Variants in BABAM2 observed in about 807,000 individuals in gnomAD.
BABAM2 encodes the protein BRISC and BRCA1 A complex member 2.
A neutral mutation model predicts 54.7 loss-of-function variants in BABAM2; 31 were observed. The observed-to-expected ratio is 0.57, with a 90% CI of 0.43 to 0.77. The LOEUF is 0.77. BABAM2 is among the 30% of genes least tolerant of loss of function. The pLI, the probability that BABAM2 is intolerant of heterozygous loss-of-function variation, is 0.00. For missense variants in BABAM2, 364 were observed against 455.8 expected, an observed-to-expected ratio of 0.80 and a Z score of 1.83; for synonymous variants, 167 against 162.9, an observed-to-expected ratio of 1.03 and a Z score of -0.19.
chr2:28,332,171 AT>A (rs1377881274), intron 11 of BABAM2, among the ~76,000 whole-genome samples: 4 of 152,208 alleles, frequency 2.6e-5, no homozygotes, highest in Non-Finnish European at 5.9e-5. Flanking sequence ...ATCGGGGGGC[AT>A]CAGGATAAAT....
intron 11 of BABAM2, chr2:28,310,148 G>A: frequency 6.2e-7 from 1 of 1,613,952 alleles, no homozygotes. Flanking sequence ...TCTCCAAATT[G>A]CATAGGTCAG....
At chr2:28,205,517 A>G (rs1678751664) in intron 7 of BABAM2, among the ~76,000 whole-genome samples, 1 of 152,160 alleles carries the variant, frequency 6.6e-6, no homozygotes, top group Admixed American at 6.6e-5. Flanking sequence ...TAAAAATAAA[A>G]TAAAAAATAA....
intron 10 of BABAM2, among the ~76,000 whole-genome samples, chr2:28,293,578 G>A (rs1687459179): frequency 6.6e-6 from 1 of 152,216 alleles, no homozygotes; most frequent in African/African-American, 2.4e-5. Flanking sequence ...TCCAGAGTGA[G>A]GCAACCGGTG....
At chr2:28,063,786 T>A (rs1375083176) in intron 6 of BABAM2, among the ~76,000 whole-genome samples, 1 of 152,236 alleles carries the variant, frequency 6.6e-6, no homozygotes, top group Non-Finnish European at 1.5e-5. Context: ...AACTTTTTTT[T>A]ATGTGAGTAT....
chr2:28,238,134 G>A (rs1394304099), intron 8 of BABAM2, among the ~76,000 whole-genome samples: 3 of 152,166 alleles, frequency 2.0e-5, no homozygotes, highest in Admixed American at 1.3e-4. Flanking sequence ...ACAGGCGTGA[G>A]CCACCGCGCC....
intron 4 of BABAM2, among the ~76,000 whole-genome samples, chr2:28,008,448 G>A (rs919947560): frequency 6.6e-6 from 1 of 152,150 alleles, no homozygotes; most frequent in Non-Finnish European, 1.5e-5. Flanking sequence ...GAAAAAGTAT[G>A]TATGAAACAG....
chr2:28,060,083 C>G (rs929051040), intron 6 of BABAM2, among the ~76,000 whole-genome samples: 14 of 152,090 alleles, frequency 9.2e-5, no homozygotes, highest in African/African-American at 3.1e-4. Flanking sequence ...CTCATAAACA[C>G]AGGTGCAATA....
intron 6 of BABAM2, among the ~76,000 whole-genome samples, chr2:28,106,548 G>A (rs1478689841): frequency 1.3e-5 from 2 of 152,220 alleles, no homozygotes; most frequent in African/African-American, 4.8e-5. Flanking sequence ...GGATTTGTCT[G>A]ATGTTCACTC....
intron 10 of BABAM2, among the ~76,000 whole-genome samples, chr2:28,261,030 C>T (rs1014291549): frequency 2.0e-5 from 3 of 149,358 alleles, no homozygotes; most frequent in Non-Finnish European, 4.4e-5. Flanking sequence ...CAACCTCCAC[C>T]TCCTAGATTC....
intron 1 of BABAM2, 96 bp from the exon 2 acceptor site, chr2:27,894,437 C>T: frequency 4.2e-6 from 5 of 1,179,382 alleles, no homozygotes; most frequent in Non-Finnish European, 6.1e-6. Context: ...TTTATTCATG[C>T]AAGAGGAACT....
intron 6 of BABAM2, among the ~76,000 whole-genome samples, chr2:28,088,184 A>AT (rs575429913): frequency 9.3e-4 from 141 of 151,492 alleles, no homozygotes; most frequent in African/African-American, 1.3e-3. Context: ...GTATTTTCTT[A>AT]TTTTTTTTTA....
intron 11 of BABAM2, among the ~76,000 whole-genome samples, chr2:28,307,330 T>A (rs1688646577): frequency 6.6e-6 from 1 of 151,660 alleles, no homozygotes; most frequent in Non-Finnish European, 1.5e-5. Context: ...TTCATTTATT[T>A]ATACATTTAA....
chr2:28,094,669 TC>T (rs1332689154), intron 6 of BABAM2, among the ~76,000 whole-genome samples: 3 of 152,134 alleles, frequency 2.0e-5, no homozygotes, highest in Non-Finnish European at 4.4e-5. Flanking sequence ...GAAAAAAATC[TC>T]ACTCCCATCC....
intron 6 of BABAM2, among the ~76,000 whole-genome samples, chr2:28,107,975 A>T (rs988146115): frequency 1.3e-5 from 2 of 152,230 alleles, no homozygotes; most frequent in East Asian, 3.8e-4. Flanking sequence ...CCCATGCTGC[A>T]TAGGCAGTAG....
At chr2:28,261,870 A>T (rs1302245468) in intron 10 of BABAM2, among the ~76,000 whole-genome samples, 1 of 149,956 alleles carries the variant, frequency 6.7e-6, no homozygotes, top group Admixed American at 6.8e-5. Context: ...CCCTTCGGTC[A>T]TCATGTATTT....
At chr2:28,202,982 T>G (rs1678444302) in intron 7 of BABAM2, among the ~76,000 whole-genome samples, 2 of 152,142 alleles carry the variant, frequency 1.3e-5, no homozygotes, top group Non-Finnish European at 2.9e-5. Flanking sequence ...AAAGAATGCT[T>G]TCCTATTGAT....
intron 6 of BABAM2, among the ~76,000 whole-genome samples, chr2:28,064,928 G>C (rs1679186021): frequency 6.6e-6 from 1 of 151,904 alleles, no homozygotes; most frequent in Admixed American, 6.6e-5. Context: ...GCTTGAACCT[G>C]GGAGGCGGAG....
At chr2:28,097,381 T>C (rs1245343034) in intron 6 of BABAM2, among the ~76,000 whole-genome samples, 1 of 152,228 alleles carries the variant, frequency 6.6e-6, no homozygotes, top group African/African-American at 2.4e-5. Context: ...CCTGGCCTAA[T>C]TGCATTTTTA....
At chr2:27,958,896 A>G (rs749921851) in intron 3 of BABAM2, among the ~76,000 whole-genome samples, 32 of 152,162 alleles carry the variant, frequency 2.1e-4, no homozygotes, top group Admixed American at 1.5e-3. Flanking sequence ...CTTGGGCTCA[A>G]TGTGGCTCTG....
Sources: allele counts gnomAD v4.1 joint callset (sites outside exome capture counted in the v4.1 genomes callset), GRCh38; gene constraint gnomAD v4.1.1; transcripts MANE v1.5; gene names NCBI Gene and HGNC (gene_info 2026-07-23, HGNC 2026-07-21).